Variants in MACROD2 observed in about 807,000 individuals in gnomAD.
The protein encoded by MACROD2 is mono-ADP ribosylhydrolase 2.
In MACROD2, 36 loss-of-function variants were observed where a neutral mutation model predicts 70.4. That is an observed-to-expected ratio of 0.51 (90% CI 0.39 to 0.68). MACROD2 has a LOEUF of 0.68. Ranked by LOEUF, MACROD2 falls within the 30% of genes least tolerant of loss-of-function variation. The pLI is 0.00. For synonymous variants in MACROD2, 172 were observed against 178.8 expected (o/e 0.96, Z 0.30); for missense variants, 496 against 538.4 (o/e 0.92, Z 0.78).
At chr20:15,903,134 G>T (rs971545819) in intron 10 of MACROD2, among the ~76,000 whole-genome samples, 13 of 152,170 alleles carry the variant, frequency 8.5e-5, no homozygotes, top group African/African-American at 2.7e-4. Context: ...CAAGCCCTTT[G>T]AGAGGCCGAG....
chr20:15,975,361 T>A (rs1372455922), intron 13 of MACROD2, among the ~76,000 whole-genome samples: 1 of 152,084 alleles, frequency 6.6e-6, no homozygotes, highest in Non-Finnish European at 1.5e-5. Context: ...GTTCATACTT[T>A]GATGGAAAAA....
In MACROD2 at chr20:14,322,865, C is replaced by A. The variant is rs545619972; in HGVS notation, c.272-170614C>A. On this transcript the variant is annotated intron_variant, in intron 3 of 17. Transcript: ENST00000684519. Reference sequence around the variant, plus strand: ...CTCACAAAAATGAGGGTACTATTAACCCCCTTTTACAGATATGGAAACATA... The same window carrying A: ...CTCACAAAAATGAGGGTACTATTAAACCCCTTTTACAGATATGGAAACATA... 6.6e-5 allele frequency: 10 copies of A among 152,192 alleles called. No homozygotes were observed. The East Asian group carries it at 1.9e-3, about 29-fold the overall frequency. 9.4% of individuals were successfully genotyped at this position (152,192 alleles called of 1,614,324 possible).
chr20:15,933,900 A>C (rs999022146), intron 11 of MACROD2, among the ~76,000 whole-genome samples: 1 of 152,222 alleles, frequency 6.6e-6, no homozygotes, highest in African/African-American at 2.4e-5. Flanking sequence ...ACTAAAGGAC[A>C]GATGTGTCCA....
chr20:14,493,803 A>C (rs534388150), intron 4 of MACROD2: 9 of 204,680 alleles, frequency 4.4e-5, no homozygotes, highest in Non-Finnish European at 8.0e-5. Context: ...ATGTGTGTGC[A>C]TAGTTACAGA....
At chr20:14,795,927 A>G (rs765940376) in intron 5 of MACROD2, among the ~76,000 whole-genome samples, 5 of 152,062 alleles carry the variant, frequency 3.3e-5, no homozygotes, top group Non-Finnish European at 5.9e-5. Context: ...GTGGGAGCCA[A>G]TCGAACTTGC....
At chr20:14,537,138 T>TA (rs1313124000) in intron 4 of MACROD2, among the ~76,000 whole-genome samples, 2 of 152,176 alleles carry the variant, frequency 1.3e-5, no homozygotes, top group Non-Finnish European at 2.9e-5. Flanking sequence ...TGGAAAATGT[T>TA]ACTTCATTGG....
chr20:15,745,676 C>T (rs967187658), intron 8 of MACROD2, among the ~76,000 whole-genome samples: 6 of 152,080 alleles, frequency 3.9e-5, no homozygotes, highest in African/African-American at 1.2e-4. Flanking sequence ...TGGCAATATT[C>T]CCCTATATTG....
chr20:14,269,832 A>C (rs540175854), intron 3 of MACROD2, among the ~76,000 whole-genome samples: 2 of 151,960 alleles, frequency 1.3e-5, no homozygotes, highest in South Asian at 2.1e-4. Context: ...TGATTTTTAA[A>C]GAGTGTTTTT....
At chr20:15,064,144 A>T (rs2123088374) in intron 5 of MACROD2, among the ~76,000 whole-genome samples, 1 of 152,224 alleles carries the variant, frequency 6.6e-6, no homozygotes, top group Non-Finnish European at 1.5e-5. Context: ...TATACATCAA[A>T]GCCTGCATGT....
At chr20:15,149,272 T>C (rs1601142088) in intron 5 of MACROD2, among the ~76,000 whole-genome samples, 1 of 152,062 alleles carries the variant, frequency 6.6e-6, no homozygotes, top group Non-Finnish European at 1.5e-5. Flanking sequence ...GCAAAGGAAA[T>C]GAGAGGTTCT....
At chr20:14,710,865 A>G (rs2071330440) in intron 5 of MACROD2, among the ~76,000 whole-genome samples, 1 of 151,894 alleles carries the variant, frequency 6.6e-6, no homozygotes, top group Non-Finnish European at 1.5e-5. Flanking sequence ...TCCACTTTCC[A>G]CCTCCACATC....
intron 4 of MACROD2, among the ~76,000 whole-genome samples, chr20:14,495,445 T>A (rs564573660): frequency 6.6e-6 from 1 of 152,324 alleles, no homozygotes; most frequent in East Asian, 1.9e-4. Flanking sequence ...AATCCCACAT[T>A]GTCTTTGAAT....
At chr20:14,517,480 T>C (rs2085114928) in intron 4 of MACROD2, among the ~76,000 whole-genome samples, 1 of 152,022 alleles carries the variant, frequency 6.6e-6, no homozygotes, top group South Asian at 2.1e-4. Flanking sequence ...AAGTGGGAGT[T>C]GAGCAATGAG....
chr20:14,371,718 T>C (rs2083325015), intron 3 of MACROD2, among the ~76,000 whole-genome samples: 1 of 152,124 alleles, frequency 6.6e-6, no homozygotes, highest in South Asian at 2.1e-4. Flanking sequence ...ATCTACCTGA[T>C]ATTTCTGTGT....
At chr20:14,794,132 A>G (rs2072483749) in intron 5 of MACROD2, among the ~76,000 whole-genome samples, 1 of 152,080 alleles carries the variant, frequency 6.6e-6, no homozygotes, top group Non-Finnish European at 1.5e-5. Context: ...GCAGGATTAC[A>G]ATTTACCCTC....
At chr20:14,238,461 G>A (rs1018157532) in intron 3 of MACROD2, among the ~76,000 whole-genome samples, 2 of 152,114 alleles carry the variant, frequency 1.3e-5, no homozygotes, top group Non-Finnish European at 2.9e-5. Context: ...TTACTAATGA[G>A]CAAAAGCTGC....
chr20:15,604,977 A>G (rs1354449338), intron 8 of MACROD2, among the ~76,000 whole-genome samples: 1 of 152,216 alleles, frequency 6.6e-6, no homozygotes, highest in African/African-American at 2.4e-5. Context: ...AAACAGAGCT[A>G]TAAACGGATA....
chr20:15,971,352 C>T (rs904068195), intron 13 of MACROD2, among the ~76,000 whole-genome samples: 7 of 152,030 alleles, frequency 4.6e-5, no homozygotes, highest in East Asian at 1.9e-4. Context: ...CAGGGGTGGG[C>T]GTTCCCATGC....
chr20:15,468,528 G>C (rs747546587), intron 7 of MACROD2, among the ~76,000 whole-genome samples: 39 of 152,186 alleles, frequency 2.6e-4, no homozygotes, highest in Non-Finnish European at 4.4e-4. Context: ...AAAAAAAACA[G>C]CTTGTAGACA....
Sources: allele counts gnomAD v4.1 joint callset (sites outside exome capture counted in the v4.1 genomes callset), GRCh38; gene constraint gnomAD v4.1.1; transcripts MANE v1.5; gene names NCBI Gene and HGNC (gene_info 2026-07-23, HGNC 2026-07-21).